ATP1B3: variants seen among roughly 807,000 people sequenced by gnomAD.
ATP1B3 encodes the protein ATPase Na+/K+ transporting subunit beta 3.
Under a neutral mutation model 30.2 loss-of-function variants are expected in ATP1B3, and 10 were observed. The ratio of observed to expected loss-of-function variants is 0.33; its 90% CI spans 0.20 to 0.56. The LOEUF (loss-of-function observed/expected upper bound fraction) is 0.56, where lower values mean the gene tolerates loss of function less well. Among genes scored for constraint, ATP1B3 ranks in the 20% least tolerant of loss-of-function variants. The pLI is 0.90. For missense variants in ATP1B3, 238 were observed against 336.7 expected (o/e 0.71, Z 2.29); for synonymous variants, 113 against 117.0 (o/e 0.97, Z 0.22).
Position 141,895,083 on chromosome 3 carries a change from G to A in ATP1B3, c.110-8537G>A, listed in dbSNP as rs75958115. Among the ~76,000 whole-genome samples, 8 of 152,008 alleles carry A rather than the reference G, an allele frequency of 5.3e-5. No individual in the cohort carries two copies. The East Asian group carries it at 1.4e-3, about 26-fold the overall frequency. On this transcript the variant is annotated intron_variant, in intron 1 of 6. Coordinates refer to ENST00000286371, the MANE Select transcript of ATP1B3 (RefSeq NM_001679.4). ...CTGTCACTGACTGAAATGTTACGTG[G>A]TGTATGTCTGTATGTGGAATCATGC...
intron 1 of ATP1B3, among the ~76,000 whole-genome samples, chr3:141,898,552 ATAC>A (rs1934110037): frequency 6.6e-6 from 1 of 152,206 alleles, no homozygotes; most frequent in African/African-American, 2.4e-5. Flanking sequence ...CCACAAAGAG[ATAC>A]TACATTGTAT....
intron 2 of ATP1B3, among the ~76,000 whole-genome samples, chr3:141,904,726 T>TTTTTTGG (rs869144746): frequency 8.2e-6 from 1 of 121,646 alleles, no homozygotes; most frequent in Non-Finnish European, 1.7e-5. Flanking sequence ...TTTTTTTTTT[T>TTTTTTGG]GAGACAGGGC....
rs774888756 is a variant in ATP1B3 at position 141,925,729 on chromosome 3, A to G, written c.*28A>G. The G allele has an allele frequency of 6.3e-7, 1 of 1,593,980 alleles. No individual in the cohort carries two copies. Among genetic ancestry groups the G allele is most frequent in the South Asian group, 1.2e-5 (1 of 86,580 alleles). Reference sequence around the variant, plus strand: ...TGAGTAGGATATCTCCACAGAGTAAATGTTGTGTTGTCTGTCTTCATTTTG... The same window carrying G: ...TGAGTAGGATATCTCCACAGAGTAAGTGTTGTGTTGTCTGTCTTCATTTTG... On this transcript the variant is annotated 3_prime_UTR_variant, in exon 7 of 7. Coordinates refer to ENST00000286371, the MANE Select transcript of ATP1B3 (RefSeq NM_001679.4).
intron 1 of ATP1B3, among the ~76,000 whole-genome samples, chr3:141,879,778 C>CAA (rs199509329): frequency 1.7e-5 from 1 of 57,608 alleles, no homozygotes. Context: ...GTCTCCATCT[C>CAA]AAAAAAAAAA....
chr3:141,890,246 C>A (rs1265552661), intron 1 of ATP1B3, among the ~76,000 whole-genome samples: 2 of 116,640 alleles, frequency 1.7e-5, no homozygotes, highest in Admixed American at 2.0e-4. Context: ...CCACACCTGG[C>A]TAATTTTTTG....
chr3:141,885,916 CA>C, intron 1 of ATP1B3, among the ~76,000 whole-genome samples: 2 of 151,316 alleles, frequency 1.3e-5, no homozygotes, highest in African/African-American at 4.8e-5. Context: ...CACACACACA[CA>C]CACACACCCC....
intron 1 of ATP1B3, among the ~76,000 whole-genome samples, chr3:141,878,696 A>G (rs16851892): frequency 0.11 from 16,383 of 152,300 alleles, 1,079 homozygotes; most frequent in Middle Eastern, 0.16. Flanking sequence ...AACTAGTACA[A>G]GTGAAGTTGG....
chr3:141,883,057 C>T (rs1933760235), intron 1 of ATP1B3, among the ~76,000 whole-genome samples: 1 of 152,178 alleles, frequency 6.6e-6, no homozygotes, highest in African/African-American at 2.4e-5. Flanking sequence ...CTCTCTCTAC[C>T]ATTCCACATA....
chr3:141,917,774 T>A (rs1934493243), intron 5 of ATP1B3, among the ~76,000 whole-genome samples: 1 of 151,156 alleles, frequency 6.6e-6, no homozygotes. Flanking sequence ...TTATTTTATT[T>A]TTTTTTTTTT....
chr3:141,880,215 G>T (rs886837020), intron 1 of ATP1B3, among the ~76,000 whole-genome samples: 1 of 152,114 alleles, frequency 6.6e-6, no homozygotes, highest in African/African-American at 2.4e-5. Flanking sequence ...ACATTGCATT[G>T]CCTTATTTAA....
intron 1 of ATP1B3, among the ~76,000 whole-genome samples, chr3:141,899,182 AACTTCACACTT>A (rs1934118351): frequency 2.0e-5 from 3 of 152,216 alleles, no homozygotes; most frequent in African/African-American, 7.2e-5. Flanking sequence ...ATAAAATGTA[AACTTCACACTT>A]TACATATGTG....
At chr3:141,911,581 G>A (rs1007649518) in intron 3 of ATP1B3, among the ~76,000 whole-genome samples, 5 of 148,802 alleles carry the variant, frequency 3.4e-5, no homozygotes, top group Middle Eastern at 3.4e-3. Context: ...TGCAACCACC[G>A]CCTCCTGGGT....
chr3:141,907,071 T>G, intron 2 of ATP1B3, 96 bp from the exon 3 acceptor site: 1 of 843,582 alleles, frequency 1.2e-6, no homozygotes, highest in Non-Finnish European at 1.8e-6. Context: ...TCAACACAAT[T>G]TTCCATGTAA....
intron 5 of ATP1B3, among the ~76,000 whole-genome samples, chr3:141,917,748 C>G (rs1183261595): frequency 6.6e-6 from 1 of 151,570 alleles, no homozygotes; most frequent in Non-Finnish European, 1.5e-5. Flanking sequence ...CTAAGCTGAG[C>G]TTTTCTTTCT....
chr3:141,907,053 G>T (rs1202324715), intron 2 of ATP1B3, 114 bp from the exon 3 acceptor site: 1 of 662,302 alleles, frequency 1.5e-6, no homozygotes. Context: ...GATAGTTTCA[G>T]CATACTGTCA....
chr3:141,904,703 C>CTTTTTTTTTTT (rs35178202), intron 2 of ATP1B3, among the ~76,000 whole-genome samples: 10 of 89,370 alleles, frequency 1.1e-4, no homozygotes, highest in East Asian at 3.8e-4. Context: ...TTTAAACAGT[C>CTTTTTTTTTTT]TTTTTTTTTT....
intron 1 of ATP1B3, chr3:141,902,366 C>T: frequency 5.4e-6 from 3 of 553,160 alleles, no homozygotes; most frequent in South Asian, 1.7e-5. Context: ...TAGCTTTCAG[C>T]ACAATCTGTT....
rs972804977 is a variant in ATP1B3, at chr3:141,892,676, A to C, written c.110-10944A>C. Among the ~76,000 whole-genome samples, 20 of 138,872 alleles carry C rather than the reference A, an allele frequency of 1.4e-4. No individual in the cohort carries two copies. The East Asian group carries it at 3.3e-3, about 23-fold the overall frequency. 91.1% of individuals were successfully genotyped at this position (138,872 alleles called of 152,430 possible). A position where few individuals can be genotyped will look rare whatever the true frequency, so the allele number is the denominator to read the frequency against. ...CAAAAAAAAAAAAAAAAAAAAAAAA[A>C]CAGTTATCGAATATAGACAAATTTA... is the stretch of plus-strand genomic sequence containing the variant. On this transcript the variant is annotated intron_variant, in intron 1 of 6. Transcript: ENST00000286371.
chr3:141,922,151 C>A, intron 6 of ATP1B3, 88 bp downstream of exon 6: 1 of 731,714 alleles, frequency 1.4e-6, no homozygotes, highest in Non-Finnish European at 2.2e-6. Flanking sequence ...GGTAGGTAGA[C>A]GCCAGCCCTG....
Sources: gnomAD v4.1 joint callset for allele counts (sites outside exome capture counted in the v4.1 genomes callset) on GRCh38, gnomAD v4.1.1 for gene constraint, MANE v1.5 for transcripts, NCBI Gene and HGNC (gene_info 2026-07-23, HGNC 2026-07-21) for gene names.